Variants in SLC26A4 observed in about 807,000 individuals in gnomAD.
SLC26A4 encodes the protein pendrin.
Under a neutral mutation model 90.4 loss-of-function variants are expected in SLC26A4, and 93 were observed. That is an observed-to-expected ratio of 1.03 (90% CI 0.87 to 1.22). The LOEUF is 1.22. Among genes scored for constraint, SLC26A4 ranks in the 50% most tolerant of loss-of-function variants. The pLI is 0.00. For missense variants in SLC26A4, 1,127 were observed against 946.2 expected (o/e 1.19, Z -2.51); for synonymous variants, 393 against 354.6 (o/e 1.11, Z -1.22).
chr7:107,674,134 G>T (rs376747850), intron 4 of SLC26A4, 30 bp from the exon 5 acceptor site: 4 of 1,598,686 alleles, frequency 2.5e-6, no homozygotes, highest in Non-Finnish European at 3.4e-6. Context: ...ATTAATAACT[G>T]ATTAATTGTT....
At chr7:107,696,452 A>C (rs901513661) in intron 13 of SLC26A4, among the ~76,000 whole-genome samples, 1 of 152,198 alleles carries the variant, frequency 6.6e-6, no homozygotes, top group Non-Finnish European at 1.5e-5. Context: ...TGAGATGAGG[A>C]ATGTAAGGCG....
intron 8 of SLC26A4, among the ~76,000 whole-genome samples, chr7:107,686,331 C>A (rs1046404098): frequency 1.4e-5 from 2 of 141,102 alleles, no homozygotes; most frequent in East Asian, 4.5e-4. Flanking sequence ...CCCTTTCCTA[C>A]CTGCACTCCC....
chr7:107,694,988 C>G (rs1476444474), intron 12 of SLC26A4, among the ~76,000 whole-genome samples: 1 of 151,614 alleles, frequency 6.6e-6, no homozygotes, highest in African/African-American at 2.4e-5. Flanking sequence ...ACACAAAAAG[C>G]AAAAAAATGT....
At chr7:107,665,750 T>G (rs1048106150) in intron 3 of SLC26A4, among the ~76,000 whole-genome samples, 1 of 152,192 alleles carries the variant, frequency 6.6e-6, no homozygotes, top group African/African-American at 2.4e-5. Context: ...CTCATAACAA[T>G]CCTGCTAGGT....
Position 107,694,623 on chromosome 7 carries a change from G to A in SLC26A4, c.1344G>A (p.Ser448=), listed in dbSNP as rs768687579. ...LGKLLEPLQK[S]VLAAVVIANL... ...GCCTTCTCTGTCTCTCTTGGCAGTCGGTCTTGGCAGCTGTTGTAATTGCCA... is the reference window on the plus strand; with the variant it reads ...GCCTTCTCTGTCTCTCTTGGCAGTCAGTCTTGGCAGCTGTTGTAATTGCCA... Residue 448 remains serine, a splice_region_variant and synonymous_variant, in exon 12 of 21, where the codon TCG becomes TCA. Transcript: ENST00000644269. The A allele has an allele frequency of 1.6e-5, 26 of 1,610,706 alleles. No homozygotes were observed. Among genetic ancestry groups the A allele is most frequent in the Middle Eastern group, 1.6e-4 (1 of 6,082 alleles).
rs200394424 is a variant in SLC26A4 at position 107,710,114 on chromosome 7, C to G, written c.2150C>G (p.Thr717Arg). The G allele has an allele frequency of 3.7e-5, 59 of 1,609,826 alleles. No individual in the cohort carries two copies. Among genetic ancestry groups the G allele is most frequent in the Non-Finnish European group, 2.2e-5 (26 of 1,176,200 alleles). The change falls in exon 19 of 21, where the codon ACA (threonine) becomes AGA (arginine). Residue 717 changes from threonine to arginine, a missense_variant. Thr to Arg is a moderately conservative substitution (Grantham distance 71). Coordinates refer to ENST00000644269, the MANE Select transcript of SLC26A4 (RefSeq NM_000441.2). ...TTTGACGACAACATTAGAAAGGACA[C>G]ATTCTTTTTGACGGTCCATGATGCT... ...GFFDDNIRKD[T>R]FFLTVHDAIL...
chr7:107,678,737 G>GAA (rs35019739), intron 6 of SLC26A4, among the ~76,000 whole-genome samples: 7 of 147,152 alleles, frequency 4.8e-5, no homozygotes, highest in African/African-American at 1.5e-4. Flanking sequence ...TTGCTCTTCT[G>GAA]AAAAAAAAAA....
intron 3 of SLC26A4, 135 bp downstream of exon 3, chr7:107,663,570 A>C: frequency 1.0e-6 from 1 of 954,720 alleles, no homozygotes; most frequent in East Asian, 2.5e-5. Context: ...CTTAGTGGAG[A>C]GAGTCACCTC....
chr7:107,695,214 T>G (rs1354665181), intron 12 of SLC26A4, among the ~76,000 whole-genome samples: 1 of 152,096 alleles, frequency 6.6e-6, no homozygotes, highest in Non-Finnish European at 1.5e-5. Flanking sequence ...ATGGAAAATT[T>G]TCCAAGACAA....
rs1792350195 is a variant in SLC26A4 at position 107,716,532 on chromosome 7, G to C, written c.*1086G>C. ...AACTCAATATAAAAACATTCATTTG[G>C]AATGTACATACTGAAAAATACAGGT... On this transcript the variant is annotated 3_prime_UTR_variant, in exon 21 of 21. Coordinates refer to ENST00000644269, the MANE Select transcript of SLC26A4 (RefSeq NM_000441.2). 1 of 152,080 alleles carries C rather than the reference G, an allele frequency of 6.6e-6. No individual in the cohort carries two copies. The highest frequency in any genetic ancestry group is 1.5e-5 in the Non-Finnish European group (1 of 68,008). The allele number at this position is 152,080 out of a possible 1,614,324, so 9.4% of individuals were successfully genotyped here.
chr7:107,704,229 C>T lies in SLC26A4; in HGVS notation c.2035-102C>T. On this transcript the variant is annotated intron_variant, in intron 17 of 20. Coordinates refer to ENST00000644269, the MANE Select transcript of SLC26A4 (RefSeq NM_000441.2). The stretch of plus-strand genomic sequence containing the variant: ...ACCTTTCCTTAAAGTCCTGATTAAC[C>T]ATGAAAGTAATAATGTTTCTCCTGA... 4 of 683,090 alleles carry T rather than the reference C, an allele frequency of 5.9e-6. No homozygotes were observed. In the South Asian group the frequency reaches 6.3e-5, roughly 11 times the overall value. 42.3% of individuals were successfully genotyped at this position (683,090 alleles called of 1,614,324 possible). A position where few individuals can be genotyped will look rare whatever the true frequency, so the allele number is the denominator to read the frequency against.
rs542869147 is a variant in SLC26A4 at position 107,709,905 on chromosome 7, G to A, written c.2090-149G>A. The A allele has an allele frequency of 2.0e-4, 129 of 652,694 alleles. No homozygotes were observed. In the African/African-American group the frequency reaches 2.1e-3, roughly 11 times the overall value. 40.4% of individuals were successfully genotyped at this position (652,694 alleles called of 1,614,324 possible). ...TAGCTAATTGGGAGGGTGAGGTGGG[G>A]GGATCACTTGAACTTGGGACGCGGA... On this transcript the variant is annotated intron_variant, in intron 18 of 20. Coordinates refer to ENST00000644269, the MANE Select transcript of SLC26A4 (RefSeq NM_000441.2).
intron 3 of SLC26A4, among the ~76,000 whole-genome samples, chr7:107,670,998 A>G (rs1433997505): frequency 6.6e-6 from 1 of 152,074 alleles, no homozygotes; most frequent in African/African-American, 2.4e-5. Context: ...GCTGAGTATA[A>G]TTATCATATT....
chr7:107,715,066 T>TAAAA (rs543905042), intron 20 of SLC26A4, among the ~76,000 whole-genome samples: 15 of 98,676 alleles, frequency 1.5e-4, no homozygotes, highest in African/African-American at 3.9e-4. Context: ...CCATCTCTAC[T>TAAAA]AAAAAAAAAA....
intron 6 of SLC26A4, among the ~76,000 whole-genome samples, chr7:107,680,291 TTATTATATA>T (rs1339947702): frequency 2.0e-5 from 2 of 99,730 alleles, no homozygotes; most frequent in African/African-American, 4.0e-5. Flanking sequence ...TAATCTTATC[TTATTATATA>T]ATATAATCTT....
At chr7:107,670,353 C>A (rs1337297987) in intron 3 of SLC26A4, among the ~76,000 whole-genome samples, 1 of 152,000 alleles carries the variant, frequency 6.6e-6, no homozygotes, top group Non-Finnish European at 1.5e-5. Context: ...CTGATCCACC[C>A]ACTTCGGCCT....
intron 13 of SLC26A4, among the ~76,000 whole-genome samples, chr7:107,697,374 A>AT (rs1012523809): frequency 6.6e-6 from 1 of 152,194 alleles, no homozygotes; most frequent in African/African-American, 2.4e-5. Flanking sequence ...AATTTCCAGT[A>AT]ATTATCATGC....
intron 8 of SLC26A4, among the ~76,000 whole-genome samples, chr7:107,688,803 A>G (rs952811239): frequency 1.3e-5 from 2 of 152,224 alleles, no homozygotes; most frequent in Admixed American, 1.3e-4. Flanking sequence ...CATGTGAGAG[A>G]TAGAGAAGAG....
chr7:107,686,828 C>A (rs1399104847), intron 8 of SLC26A4, among the ~76,000 whole-genome samples: 1 of 152,142 alleles, frequency 6.6e-6, no homozygotes, highest in Admixed American at 6.5e-5. Flanking sequence ...CAGAACATGC[C>A]CTGTCCCATC....
Sources: gnomAD v4.1 joint callset for allele counts (sites outside exome capture counted in the v4.1 genomes callset) on GRCh38, gnomAD v4.1.1 for gene constraint, MANE v1.5 for transcripts, NCBI Gene and HGNC (gene_info 2026-07-23, HGNC 2026-07-21) for gene names.